Variants in YBX1 observed in about 807,000 individuals in gnomAD.
The protein encoded by YBX1 is Y-box-binding protein 1.
Under a neutral mutation model 41.4 loss-of-function variants are expected in YBX1, and 3 were observed. That is an observed-to-expected ratio of 0.07 (90% CI 0.03 to 0.19). YBX1 has a LOEUF of 0.19. Among genes scored for constraint, YBX1 ranks in the 10% least tolerant of loss-of-function variants. The pLI, the probability that YBX1 is intolerant of heterozygous loss-of-function variation, is 1.00. For synonymous variants in YBX1, 133 were observed against 165.8 expected (o/e 0.80, Z 1.52); for missense variants, 274 against 462.8 (o/e 0.59, Z 3.74).
intron 2 of YBX1, 128 bp from the exon 3 acceptor site, chr1:42,693,362 T>A (rs1186546901): frequency 1.0e-6 from 1 of 960,144 alleles, no homozygotes; most frequent in Non-Finnish European, 1.6e-6. Flanking sequence ...TGGTGGCTTG[T>A]GTTTTTTGAT....
chr1:42,701,570 G>A (rs372666385), intron 7 of YBX1, among the ~76,000 whole-genome samples: 33 of 151,438 alleles, frequency 2.2e-4, no homozygotes, highest in South Asian at 1.7e-3. Context: ...GGAAAAAGAC[G>A]AGAGTGTTTC....
At chr1:42,700,503 G>T (rs1650567649) in intron 6 of YBX1, among the ~76,000 whole-genome samples, 1 of 151,776 alleles carries the variant, frequency 6.6e-6, no homozygotes, top group African/African-American at 2.4e-5. Flanking sequence ...GGAGTCTGAG[G>T]TGGGAAGATC....
In YBX1 at chr1:42,682,693, C is replaced by T. The variant is rs1457981358; in HGVS notation, c.128C>T (p.Thr43Ile). 6.4e-6 allele frequency: 8 copies of T among 1,258,398 alleles called. No homozygotes were observed. The allele number at this position is 1,258,398 out of a possible 1,614,324, so 78.0% of individuals were successfully genotyped here. ...GAGSGGPGGL[T>I]SAAPAGGDKK... is the part of the protein sequence containing the mutation. ...GGGAGCGGTGGCCCGGGCGGCCTCACATCGGCGGCGCCTGCCGGCGGGGAC... is the reference window on the plus strand; with the variant it reads ...GGGAGCGGTGGCCCGGGCGGCCTCATATCGGCGGCGCCTGCCGGCGGGGAC... Residue 43 changes from threonine (T) to isoleucine (I), a missense_variant, in exon 1 of 8, where the codon ACA becomes ATA. This residue lies in a region of YBX1 where 84 missense variants were observed against 130.8 expected (regional missense o/e 0.64). Coordinates refer to ENST00000321358, the MANE Select transcript of YBX1 (RefSeq NM_004559.5).
At position 42,693,475 on chromosome 1, in the gene YBX1, G is replaced by C. The variant is rs529331831; in HGVS notation, c.231-15G>C. The C allele has an allele frequency of 2.5e-6, 4 of 1,613,124 alleles. No homozygotes were observed. The African/African-American group carries it at 5.3e-5, about 22-fold the overall frequency. On this transcript the variant is annotated splice_polypyrimidine_tract_variant and intron_variant, in intron 2 of 7. Transcript: ENST00000321358. Reference sequence around the variant, plus strand: ...TTTCATTTTCTAACTTGTTCAACTTGGTTCTGTCTTGCAGGAATGACACCA... The same window carrying C: ...TTTCATTTTCTAACTTGTTCAACTTCGTTCTGTCTTGCAGGAATGACACCA...
intron 2 of YBX1, among the ~76,000 whole-genome samples, chr1:42,692,629 C>A (rs1239669598): frequency 6.6e-5 from 10 of 152,202 alleles, no homozygotes; most frequent in African/African-American, 2.4e-4. Flanking sequence ...AACCTTTGTT[C>A]CCTTTGTCAT....
intron 2 of YBX1, among the ~76,000 whole-genome samples, chr1:42,690,079 G>C (rs992656000): frequency 6.6e-6 from 1 of 152,042 alleles, no homozygotes; most frequent in Non-Finnish European, 1.5e-5. Flanking sequence ...CTAGCAGGGC[G>C]TGGTGGTGCA....
chr1:42,697,258 C>T lies in YBX1; in HGVS notation c.736C>T (p.Arg246Cys), dbSNP rs760390285. ...GTATCGGGGATATAGACCACGATTCCGCAGGTATGGTCCACGTAAACATGT... is the reference window on the plus strand; with the variant it reads ...GTATCGGGGATATAGACCACGATTCTGCAGGTATGGTCCACGTAAACATGT... ...NMYRGYRPRFRRGPPRQRQPR... is the reference protein window; with the variant it reads ...NMYRGYRPRFCRGPPRQRQPR... The change falls in exon 6 of 8, where the codon CGC becomes TGC. Residue 246 changes from arginine to cysteine, a missense_variant. Arg to Cys is a radical substitution (Grantham distance 180). Coordinates refer to ENST00000321358, the MANE Select transcript of YBX1 (RefSeq NM_004559.5). 1.1e-5 allele frequency: 18 copies of T among 1,613,708 alleles called. No homozygotes were observed. The highest frequency in any genetic ancestry group is 2.2e-5 in the East Asian group (1 of 44,860).
chr1:42,683,120 G>A (rs746175670), intron 1 of YBX1: 6 of 599,524 alleles, frequency 1.0e-5, no homozygotes, highest in Non-Finnish European at 1.8e-5. Context: ...TACGCAGGCC[G>A]GAGCGGCTTC....
intron 2 of YBX1, among the ~76,000 whole-genome samples, chr1:42,691,762 A>G (rs1650339353): frequency 6.6e-6 from 1 of 152,200 alleles, no homozygotes; most frequent in African/African-American, 2.4e-5. Context: ...ACAATAAACA[A>G]ATTTACTTTC....
intron 2 of YBX1, among the ~76,000 whole-genome samples, chr1:42,684,400 C>T (rs181196353): frequency 1.9e-3 from 287 of 152,322 alleles, no homozygotes; most frequent in African/African-American, 6.7e-3. Flanking sequence ...CTTGGCCTCA[C>T]AGGTATGGTA....
At chr1:42,693,240 T>C (rs16829874) in intron 2 of YBX1, among the ~76,000 whole-genome samples, 3,070 of 151,880 alleles carry the variant, frequency 0.02, 83 homozygotes, top group African/African-American at 0.065. Flanking sequence ...CTCTTAATTA[T>C]GGCTCAGTAG....
rs1331657102 is a variant in YBX1, at chr1:42,701,057, T to G, written c.*31+11T>G. On this transcript the variant is annotated intron_variant, in intron 7 of 7. Coordinates refer to ENST00000321358, the MANE Select transcript of YBX1 (RefSeq NM_004559.5). ...TCTACCATCATCCGGGTAAGCAAGC[T>G]TGGATGGCCATCCATTTATGGCAGT... 9 of 1,601,474 alleles carry G rather than the reference T, an allele frequency of 5.6e-6. No individual in the cohort carries two copies. In the South Asian group the frequency reaches 9.9e-5, roughly 18 times the overall value.
At chr1:42,688,154 G>C (rs1650244072) in intron 2 of YBX1, among the ~76,000 whole-genome samples, 1 of 152,110 alleles carries the variant, frequency 6.6e-6, no homozygotes, top group African/African-American at 2.4e-5. Context: ...CTTTACTCTT[G>C]AAATCTAGGA....
Position 42,696,074 on chromosome 1 carries a change from G to C in YBX1, c.265-125G>C. On this transcript the variant is annotated intron_variant, in intron 3 of 7. Transcript: ENST00000321358. The surrounding 1 kb of genome is among the most constrained non-coding windows in gnomAD (Gnocchi z 5.7). ...GCTTTCCTAAATTTATTGATGGTTT[G>C]GTCTTATTTAAAGCAAATCTTAAGT... is the stretch of plus-strand genomic sequence containing the variant. 1 of 726,288 alleles carries C rather than the reference G, an allele frequency of 1.4e-6. No homozygotes were observed. Among genetic ancestry groups the C allele is most frequent in the Middle Eastern group, 3.9e-4 (1 of 2,560 alleles). 45.0% of individuals were successfully genotyped at this position (726,288 alleles called of 1,614,324 possible).
intron 7 of YBX1, 44 bp from the exon 8 acceptor site, chr1:42,701,937 T>A (rs1224320282): frequency 6.5e-6 from 1 of 152,950 alleles, no homozygotes; most frequent in Non-Finnish European, 1.5e-5. Context: ...TAAATGAAGA[T>A]CACCATGAAT....
chr1:42,689,241 G>T (rs143851056), intron 2 of YBX1, among the ~76,000 whole-genome samples: 1 of 152,020 alleles, frequency 6.6e-6, no homozygotes, highest in Non-Finnish European at 1.5e-5. Context: ...GGTGTGAAGG[G>T]TGTTTAATAG....
intron 2 of YBX1, among the ~76,000 whole-genome samples, chr1:42,686,496 C>T (rs982988501): frequency 4.6e-5 from 7 of 152,128 alleles, no homozygotes; most frequent in Admixed American, 6.5e-5. Flanking sequence ...ACTTTTTTTA[C>T]GACAGCCTTC....
rs1411468313 is a variant in YBX1 at position 42,702,036 on chromosome 1, G to C, written c.*87G>C. On this transcript the variant is annotated 3_prime_UTR_variant, in exon 8 of 8. Transcript: ENST00000321358. The stretch of plus-strand genomic sequence containing the variant: ...TTCCAGCAATAAGAAATGAACAAAA[G>C]ATTGGAGCTGAAGACCTAAAGTGCT... The C allele has an allele frequency of 6.3e-6, 1 of 157,638 alleles. No homozygotes were observed. The highest frequency in any genetic ancestry group is 1.5e-5 in the Non-Finnish European group (1 of 68,060). The allele number at this position is 157,638 out of a possible 1,614,324, so 9.8% of individuals were successfully genotyped here.
At position 42,696,162 on chromosome 1, in the gene YBX1, C is replaced by T. The variant is rs749210134; in HGVS notation, c.265-37C>T. On this transcript the variant is annotated intron_variant, in intron 3 of 7. Coordinates refer to ENST00000321358, the MANE Select transcript of YBX1 (RefSeq NM_004559.5). This position sits in a 1 kb window ranked among gnomAD's most constrained non-coding sequence, Gnocchi z 5.7. The stretch of plus-strand genomic sequence containing the variant: ...TTTAAATGAAAAAGCACATTATTCT[C>T]CCCTGTTAATCTATTTTTGGAATGT... The T allele has an allele frequency of 3.3e-6, 5 of 1,535,108 alleles. No homozygotes were observed. The highest frequency in any genetic ancestry group is 4.5e-6 in the Non-Finnish European group (5 of 1,121,862).
Sources: allele counts gnomAD v4.1 joint callset (sites outside exome capture counted in the v4.1 genomes callset), GRCh38; gene constraint gnomAD v4.1.1; regional missense constraint gnomAD v4.1.1; non-coding constraint Gnocchi (gnomAD v3.1); transcripts MANE v1.5; gene names NCBI Gene and HGNC (gene_info 2026-07-23, HGNC 2026-07-21).